Variants in CDH8 observed in about 807,000 individuals in gnomAD.
CDH8 encodes cadherin-8.
CDH8 carries 17 observed loss-of-function variants against 68.1 expected under a neutral mutation model. The ratio of observed to expected loss-of-function variants is 0.25; its 90% CI spans 0.17 to 0.37. The LOEUF (loss-of-function observed/expected upper bound fraction) is 0.37, where lower values mean the gene tolerates loss of function less well. Ranked by LOEUF, CDH8 falls within the 10% of genes least tolerant of loss-of-function variation. The pLI, the probability that CDH8 is intolerant of heterozygous loss-of-function variation, is 1.00. For missense variants in CDH8, 763 were observed against 999.3 expected (o/e 0.76, Z 3.19); for synonymous variants, 372 against 365.1 (o/e 1.02, Z -0.21).
At chr16:61,993,139 T>C (rs916131039) in intron 2 of CDH8, among the ~76,000 whole-genome samples, 4 of 152,284 alleles carry the variant, frequency 2.6e-5, no homozygotes, top group Non-Finnish European at 5.9e-5. Flanking sequence ...AAGAAAATTT[T>C]TCTATGTATA....
At chr16:61,697,656 A>C (rs377599309) in intron 10 of CDH8, among the ~76,000 whole-genome samples, 1 of 152,164 alleles carries the variant, frequency 6.6e-6, no homozygotes, top group African/African-American at 2.4e-5. Flanking sequence ...CTGTGCCACC[A>C]TATCTGGCTA....
intron 1 of CDH8, among the ~76,000 whole-genome samples, chr16:62,024,539 T>A (rs556820229): frequency 1.3e-5 from 2 of 152,292 alleles, no homozygotes; most frequent in South Asian, 4.1e-4. Context: ...TTGGATGGAC[T>A]GCAGCATTGA....
At chr16:61,779,464 T>TGTGTGTGTGC (rs796315669) in intron 8 of CDH8, among the ~76,000 whole-genome samples, 145 of 141,536 alleles carry the variant, frequency 1.0e-3, no homozygotes, top group South Asian at 4.4e-3. Flanking sequence ...TGTGTGTGTG[T>TGTGTGTGTGC]GCGCGCATGG....
chr16:61,963,477 A>G (rs1167496042), intron 2 of CDH8, among the ~76,000 whole-genome samples: 1 of 152,244 alleles, frequency 6.6e-6, no homozygotes, highest in East Asian at 1.9e-4. Flanking sequence ...AATAAATTCA[A>G]TGAAAACAAA....
At chr16:61,755,813 T>C (rs908028192) in intron 8 of CDH8, among the ~76,000 whole-genome samples, 5 of 151,958 alleles carry the variant, frequency 3.3e-5, no homozygotes, top group Admixed American at 1.3e-4. Context: ...TTCTTCTCCT[T>C]CTTCTTTTTT....
chr16:61,833,420 T>C (rs886367423), intron 4 of CDH8, among the ~76,000 whole-genome samples: 1 of 151,824 alleles, frequency 6.6e-6, no homozygotes, highest in Admixed American at 6.6e-5. Context: ...TATACACATG[T>C]CAAATGAAAT....
At chr16:61,807,704 CA>C (rs909150620) in intron 7 of CDH8, among the ~76,000 whole-genome samples, 5 of 152,090 alleles carry the variant, frequency 3.3e-5, no homozygotes, top group African/African-American at 1.2e-4. Context: ...ATCCCCACTC[CA>C]GAGGTTTTCT....
At chr16:61,750,180 GT>G (rs1960123285) in intron 8 of CDH8, among the ~76,000 whole-genome samples, 1 of 152,006 alleles carries the variant, frequency 6.6e-6, no homozygotes, top group African/African-American at 2.4e-5. Flanking sequence ...TTCTGTTCCT[GT>G]GTTCATTTGC....
At chr16:61,976,460 C>G (rs1965436133) in intron 2 of CDH8, among the ~76,000 whole-genome samples, 1 of 152,078 alleles carries the variant, frequency 6.6e-6, no homozygotes, top group Non-Finnish European at 1.5e-5. Context: ...CTGATGAGTT[C>G]AGGTGGGAAT....
At chr16:61,827,867 A>G (rs1962374594) in intron 4 of CDH8, among the ~76,000 whole-genome samples, 1 of 151,872 alleles carries the variant, frequency 6.6e-6, no homozygotes, top group Non-Finnish European at 1.5e-5. Context: ...GTAACTGCTA[A>G]TAACCTACTA....
intron 1 of CDH8, among the ~76,000 whole-genome samples, chr16:62,028,543 C>G (rs1902250086): frequency 6.6e-6 from 1 of 152,032 alleles, no homozygotes; most frequent in African/African-American, 2.4e-5. Flanking sequence ...AGAAATTTTT[C>G]TGTTACAGAA....
intron 10 of CDH8, among the ~76,000 whole-genome samples, chr16:61,661,286 T>C (rs1226932130): frequency 1.3e-5 from 2 of 151,904 alleles, no homozygotes; most frequent in African/African-American, 2.4e-5. Flanking sequence ...AACAACTGTA[T>C]AATAAATATT....
intron 10 of CDH8, among the ~76,000 whole-genome samples, chr16:61,666,276 T>C (rs1963677482): frequency 6.6e-6 from 1 of 151,902 alleles, no homozygotes; most frequent in Non-Finnish European, 1.5e-5. Flanking sequence ...GTTTGGAACA[T>C]ATCCCCTGCA....
chr16:61,867,133 T>G (rs1963270813), intron 3 of CDH8, among the ~76,000 whole-genome samples: 1 of 152,228 alleles, frequency 6.6e-6, no homozygotes, highest in East Asian at 1.9e-4. Context: ...ATGAAAAAGG[T>G]TTAATTTCAC....
At chr16:61,960,372 TATAC>T (rs1384772886) in intron 2 of CDH8, among the ~76,000 whole-genome samples, 1 of 102,470 alleles carries the variant, frequency 9.8e-6, no homozygotes, top group Non-Finnish European at 1.9e-5. Flanking sequence ...CACATACATA[TATAC>T]ATGTGTGTGT....
chr16:61,914,941 T>C (rs1964215765), intron 2 of CDH8, among the ~76,000 whole-genome samples: 1 of 152,120 alleles, frequency 6.6e-6, no homozygotes, highest in Non-Finnish European at 1.5e-5. Context: ...TTTGTTTCAT[T>C]TTAAGCCACT....
chr16:61,801,506 C>T (rs1005204739), intron 7 of CDH8, among the ~76,000 whole-genome samples: 15 of 152,126 alleles, frequency 9.9e-5, no homozygotes, highest in Non-Finnish European at 1.5e-4. Context: ...CAGCTCCCAG[C>T]GTGAGCGACG....
chr16:61,854,525 C>T (rs1963005413), intron 4 of CDH8, among the ~76,000 whole-genome samples: 1 of 152,078 alleles, frequency 6.6e-6, no homozygotes, highest in Non-Finnish European at 1.5e-5. Context: ...AAGTCGGCTA[C>T]ATACCCCTTT....
intron 9 of CDH8, among the ~76,000 whole-genome samples, chr16:61,720,874 TAATAGA>T (rs1567439581): frequency 6.6e-6 from 1 of 150,760 alleles, no homozygotes; most frequent in Admixed American, 6.6e-5. Flanking sequence ...CCAACAAATA[TAATAGA>T]AATAAAGTAT....
Sources: allele counts gnomAD v4.1 joint callset (sites outside exome capture counted in the v4.1 genomes callset), GRCh38; gene constraint gnomAD v4.1.1; transcripts MANE v1.5; gene names NCBI Gene and HGNC (gene_info 2026-07-23, HGNC 2026-07-21).